The following EPHB1 variants were observed in gnomAD, a reference collection of about 807,000 sequenced individuals.
The protein encoded by EPHB1 is ephrin type-B receptor 1.
Under a neutral mutation model 94.4 loss-of-function variants are expected in EPHB1, and 30 were observed. That is an observed-to-expected ratio of 0.32 (90% CI 0.24 to 0.43). The LOEUF is 0.43. Ranked by LOEUF, EPHB1 falls within the 20% of genes least tolerant of loss-of-function variation. The probability of loss-of-function intolerance (pLI) is 1.00; values close to 1 mark genes in which losing one functional copy is unlikely to be tolerated. For missense variants in EPHB1, 1,055 were observed against 1,308.3 expected, an observed-to-expected ratio of 0.81 and a Z score of 2.99; for synonymous variants, 522 against 489.1, an observed-to-expected ratio of 1.07 and a Z score of -0.89.
intron 6 of EPHB1, among the ~76,000 whole-genome samples, chr3:135,157,233 A>G (rs949850186): frequency 3.9e-5 from 6 of 152,178 alleles, no homozygotes; most frequent in Admixed American, 1.3e-4. Flanking sequence ...TAGAGACCAT[A>G]TACTCCTCCT....
intron 4 of EPHB1, among the ~76,000 whole-genome samples, chr3:135,117,412 G>A (rs1300058049): frequency 6.6e-6 from 1 of 152,198 alleles, no homozygotes; most frequent in African/African-American, 2.4e-5. Flanking sequence ...TTGGCTGTGG[G>A]CTTAAAATCT....
In EPHB1 at chr3:134,986,711, A is replaced by AACACACACACACACACACACACAC. The variant is rs60628273; in HGVS notation, c.805+34669_805+34692dup. ...TATAAACTTTTGATTTAAAGATATT[A>AACACACACACACACACACACACAC]ACACACACACACACACACACACACA... On this transcript the variant is annotated intron_variant, in intron 3 of 15. Coordinates refer to ENST00000398015, the MANE Select transcript of EPHB1 (RefSeq NM_004441.5). Among the ~76,000 whole-genome samples the AACACACACACACACACACACACAC allele has an allele frequency of 3.4e-4, 49 of 145,722 alleles. 1 individual carries two copies. The highest frequency in any genetic ancestry group is 1.1e-3 in the African/African-American group (44 of 39,452).
chr3:135,244,607 G>A (rs1232620732), intron 13 of EPHB1, among the ~76,000 whole-genome samples: 1 of 152,182 alleles, frequency 6.6e-6, no homozygotes, highest in Admixed American at 6.5e-5. Flanking sequence ...CCAGAATGAA[G>A]GTGCTTTTCC....
At chr3:135,149,646 T>A (rs577395487) in intron 5 of EPHB1, among the ~76,000 whole-genome samples, 1 of 152,360 alleles carries the variant, frequency 6.6e-6, no homozygotes, top group South Asian at 2.1e-4. Context: ...GCACTGAACA[T>A]AAGCTGCCCG....
chr3:134,874,543 G>T (rs190619302), intron 1 of EPHB1, among the ~76,000 whole-genome samples: 1 of 152,020 alleles, frequency 6.6e-6, no homozygotes, highest in Non-Finnish European at 1.5e-5. Flanking sequence ...TTGAAATATC[G>T]GCAACAGATT....
chr3:135,204,000 A>G lies in EPHB1; in HGVS notation c.2346+2311A>G, dbSNP rs201130464. Among the ~76,000 whole-genome samples the G allele has an allele frequency of 7.9e-5, 12 of 152,078 alleles. No homozygotes were observed. The East Asian group carries it at 2.1e-3, about 27-fold the overall frequency. On this transcript the variant is annotated intron_variant, in intron 12 of 15. Coordinates refer to ENST00000398015, the MANE Select transcript of EPHB1 (RefSeq NM_004441.5). ...CATATGTCTACTTTTTTAATTTTTA[A>G]TTTTAATTTTTTGATTTTTAGTTTT...
intron 1 of EPHB1, among the ~76,000 whole-genome samples, chr3:134,833,340 A>T (rs1032143120): frequency 1.3e-5 from 2 of 152,124 alleles, no homozygotes; most frequent in Non-Finnish European, 2.9e-5. Flanking sequence ...TGCTGGATGA[A>T]CTCATGTTCT....
At chr3:135,123,819 A>G (rs1192636806) in intron 4 of EPHB1, among the ~76,000 whole-genome samples, 1 of 151,572 alleles carries the variant, frequency 6.6e-6, no homozygotes, top group Non-Finnish European at 1.5e-5. Context: ...GCCTCTTCTC[A>G]TCTCCTCTGC....
At chr3:134,900,493 G>T (rs558693443) in intron 1 of EPHB1, among the ~76,000 whole-genome samples, 3 of 152,286 alleles carry the variant, frequency 2.0e-5, no homozygotes, top group Admixed American at 2.0e-4. Context: ...TTGGTCCTGA[G>T]AAATCAGGAT....
At chr3:135,176,883 G>A (rs774694093) in intron 9 of EPHB1, among the ~76,000 whole-genome samples, 2 of 152,008 alleles carry the variant, frequency 1.3e-5, no homozygotes, top group Admixed American at 6.5e-5. Context: ...AGCATACATC[G>A]TTCAAAAGCC....
In EPHB1 at chr3:134,941,043, C is replaced by T. The variant is rs950849234; in HGVS notation, c.124-10328C>T. ...ATAAAGGTGTCCAGAGGAAGTGCCC[C>T]TTTCCAGCCAGGCCCTGTAGAAATG... On this transcript the variant is annotated intron_variant, in intron 2 of 15. Coordinates refer to ENST00000398015, the MANE Select transcript of EPHB1 (RefSeq NM_004441.5). Among the ~76,000 whole-genome samples the T allele has an allele frequency of 4.6e-5, 7 of 152,232 alleles. No individual in the cohort carries two copies. In the South Asian group the frequency reaches 1.0e-3, roughly 23 times the overall value.
At chr3:134,827,284 A>G (rs1205531516) in intron 1 of EPHB1, among the ~76,000 whole-genome samples, 1 of 152,214 alleles carries the variant, frequency 6.6e-6, no homozygotes, top group Non-Finnish European at 1.5e-5. Flanking sequence ...CTTCTTCTCT[A>G]TAATCTAAGC....
chr3:134,797,335 T>G (rs971474330), intron 1 of EPHB1, among the ~76,000 whole-genome samples: 11 of 151,978 alleles, frequency 7.2e-5, no homozygotes, highest in South Asian at 4.2e-4. Context: ...CAGTTGAAAT[T>G]GGAAATTCAA....
At chr3:134,809,068 T>C (rs1039746796) in intron 1 of EPHB1, among the ~76,000 whole-genome samples, 2 of 152,244 alleles carry the variant, frequency 1.3e-5, no homozygotes, top group Non-Finnish European at 2.9e-5. Context: ...TTCCCTTCTT[T>C]TTCACTATTT....
chr3:134,854,641 C>A (rs1042227718), intron 1 of EPHB1, among the ~76,000 whole-genome samples: 3 of 152,102 alleles, frequency 2.0e-5, no homozygotes, highest in Admixed American at 6.5e-5. Context: ...TCTGAGTAAT[C>A]GCTTTGTATG....
intron 4 of EPHB1, among the ~76,000 whole-genome samples, chr3:135,118,179 G>A (rs1049360720): frequency 1.1e-4 from 16 of 152,184 alleles, no homozygotes; most frequent in African/African-American, 2.9e-4. Flanking sequence ...GAGGTCAGCC[G>A]TGCCCATACC....
intron 10 of EPHB1, among the ~76,000 whole-genome samples, chr3:135,189,871 G>A (rs1015011725): frequency 2.6e-5 from 4 of 152,192 alleles, no homozygotes; most frequent in Admixed American, 1.3e-4. Context: ...CCAGGCAGGA[G>A]GCTTATGTGA....
chr3:134,860,308 G>A (rs957367283), intron 1 of EPHB1, among the ~76,000 whole-genome samples: 2 of 152,062 alleles, frequency 1.3e-5, no homozygotes, highest in African/African-American at 4.8e-5. Flanking sequence ...CGTGGTTTTC[G>A]TGTTCTCTGG....
intron 1 of EPHB1, among the ~76,000 whole-genome samples, chr3:134,839,815 G>C (rs1316136279): frequency 6.6e-6 from 1 of 152,126 alleles, no homozygotes; most frequent in Non-Finnish European, 1.5e-5. Context: ...GAGTGGAAAA[G>C]TTTCTAGGTG....
Sources: allele counts gnomAD v4.1 joint callset (sites outside exome capture counted in the v4.1 genomes callset), GRCh38; gene constraint gnomAD v4.1.1; transcripts MANE v1.5; gene names NCBI Gene and HGNC (gene_info 2026-07-23, HGNC 2026-07-21).